Variants in ARHGEF11 observed in about 807,000 individuals in gnomAD.
The protein encoded by ARHGEF11 is Rho guanine exchange factor (GEF) 11.
In ARHGEF11, 55 loss-of-function variants were observed where a neutral mutation model predicts 193.7. The observed-to-expected ratio is 0.28, with a 90% CI of 0.23 to 0.36. ARHGEF11 has a LOEUF of 0.36. Ranked by LOEUF, ARHGEF11 falls within the 10% of genes least tolerant of loss-of-function variation. The pLI, the probability that ARHGEF11 is intolerant of heterozygous loss-of-function variation, is 1.00. For missense variants in ARHGEF11, 1,723 were observed against 2,005.6 expected (o/e 0.86, Z 2.69); for synonymous variants, 693 against 768.0 (o/e 0.90, Z 1.62).
intron 1 of ARHGEF11, among the ~76,000 whole-genome samples, chr1:157,021,852 T>C (rs1197897180): frequency 6.6e-6 from 1 of 152,270 alleles, no homozygotes. Context: ...TTCTTTACCA[T>C]GACCAAGTGG....
At chr1:156,971,632 T>C in intron 8 of ARHGEF11, 65 bp downstream of exon 8, 3 of 1,555,214 alleles carry the variant, frequency 1.9e-6, no homozygotes, top group Non-Finnish European at 2.6e-6. Flanking sequence ...TCCTTGCTTT[T>C]TCCCTCACTC....
At chr1:157,007,899 G>GTTTTTTTTTTTTTTTT (rs11290114) in intron 1 of ARHGEF11, among the ~76,000 whole-genome samples, 3 of 128,948 alleles carry the variant, frequency 2.3e-5, no homozygotes, top group African/African-American at 2.9e-5. Context: ...GAAGGCAAAG[G>GTTTTTTTTTTTTTTTT]TTTTTTTTTT....
intron 4 of ARHGEF11, 29 bp downstream of exon 4, chr1:156,980,408 G>A (rs780986330): frequency 6.3e-7 from 1 of 1,597,194 alleles, no homozygotes; most frequent in Admixed American, 1.7e-5. Context: ...CCACTGCTGG[G>A]AGTGGGAGTG....
intron 3 of ARHGEF11, among the ~76,000 whole-genome samples, chr1:156,983,649 T>C (rs954457443): frequency 6.6e-6 from 1 of 152,212 alleles, no homozygotes; most frequent in Non-Finnish European, 1.5e-5. Context: ...TGGATTTGGC[T>C]ATGATGCCCA....
intron 35 of ARHGEF11, among the ~76,000 whole-genome samples, chr1:156,940,883 G>C (rs979356411): frequency 6.6e-6 from 1 of 152,180 alleles, no homozygotes; most frequent in African/African-American, 2.4e-5. Flanking sequence ...GGAAACCCGA[G>C]ATTTCTCCTG....
intron 6 of ARHGEF11, 34 bp downstream of exon 6, chr1:156,978,170 T>C (rs781374030): frequency 1.9e-6 from 3 of 1,613,652 alleles, no homozygotes; most frequent in Non-Finnish European, 2.5e-6. Flanking sequence ...AACAGGACAT[T>C]AGGGTGAGGA....
chr1:157,028,415 G>A (rs1670911642), intron 1 of ARHGEF11, among the ~76,000 whole-genome samples: 1 of 152,116 alleles, frequency 6.6e-6, no homozygotes. Context: ...TGTTCCAAAG[G>A]GAAAAACAGG....
chr1:157,020,102 C>T (rs1280959014), intron 1 of ARHGEF11, among the ~76,000 whole-genome samples: 5 of 142,528 alleles, frequency 3.5e-5, no homozygotes, highest in African/African-American at 1.3e-4. Context: ...CCAGCCTGGG[C>T]GACAGTGCGA....
intron 15 of ARHGEF11, 32 bp downstream of exon 15, chr1:156,960,385 AG>A: frequency 1.2e-6 from 2 of 1,612,612 alleles, no homozygotes; most frequent in Non-Finnish European, 1.7e-6. Context: ...AAAGCTACCA[AG>A]AAGAGACTTA....
chr1:156,943,442 G>A (rs1259333153), intron 32 of ARHGEF11, among the ~76,000 whole-genome samples: 1 of 152,112 alleles, frequency 6.6e-6, no homozygotes, highest in African/African-American at 2.4e-5. Context: ...CTATCTTACA[G>A]ACGAAGAAAG....
At chr1:157,026,299 A>G (rs187126406) in intron 1 of ARHGEF11, among the ~76,000 whole-genome samples, 1 of 152,204 alleles carries the variant, frequency 6.6e-6, no homozygotes, top group Admixed American at 6.5e-5. Flanking sequence ...TGTGCTTCCT[A>G]TTTTATTAAG....
intron 3 of ARHGEF11, among the ~76,000 whole-genome samples, chr1:156,982,862 T>C (rs1215986460): frequency 6.6e-6 from 1 of 152,188 alleles, no homozygotes; most frequent in African/African-American, 2.4e-5. Context: ...CCCCAGGATA[T>C]GCAAAACAAA....
intron 13 of ARHGEF11, 31 bp from the exon 14 acceptor site, chr1:156,961,806 T>C: frequency 6.3e-7 from 1 of 1,597,846 alleles, no homozygotes; most frequent in Non-Finnish European, 8.6e-7. Context: ...GTTAGAGCAG[T>C]GGTTCTCCCC....
intron 1 of ARHGEF11, among the ~76,000 whole-genome samples, chr1:157,006,022 G>A (rs1667777228): frequency 6.6e-6 from 1 of 152,198 alleles, no homozygotes; most frequent in Non-Finnish European, 1.5e-5. Flanking sequence ...GTGCGTATAT[G>A]TACATACACA....
Position 156,948,409 on chromosome 1 carries a change from C to A in ARHGEF11, c.2015G>T (p.Arg672Leu). The change falls in exon 23 of 41, where the codon CGC (arginine) becomes CTC (leucine). Residue 672 changes from arginine (R) to leucine (L), a missense_variant. Physicochemically the swap from Arg to Leu is moderately radical, Grantham distance 102. Coordinates refer to ENST00000368194, the MANE Select transcript of ARHGEF11 (RefSeq NM_198236.3). The surrounding 1 kb of genome is among the most constrained non-coding windows in gnomAD (Gnocchi z 4.2). ...ATCCATGTCAACATCACTGCGAGAG[C>A]GGGGCACGTTCTCTGCCTTTCGAGA... is the stretch of plus-strand genomic sequence containing the variant. ...KRSRKAENVP[R>L]SRSDVDMDAA... 1 of 1,614,192 alleles carries A rather than the reference C, an allele frequency of 6.2e-7. No individual in the cohort carries two copies. Among genetic ancestry groups the A allele is most frequent in the Non-Finnish European group, 8.5e-7 (1 of 1,180,036 alleles).
chr1:156,954,579 T>A (rs1248700788), intron 21 of ARHGEF11, among the ~76,000 whole-genome samples: 2 of 152,176 alleles, frequency 1.3e-5, no homozygotes, highest in Admixed American at 1.3e-4. Context: ...ACCAGAAGTC[T>A]AGTCTTGGCC....
rs370692576 is a variant in ARHGEF11, at chr1:156,937,447, G to A, written c.4242C>T (p.Thr1414=). 46 of 1,555,314 alleles carry A rather than the reference G, an allele frequency of 3.0e-5. No homozygotes were observed. In the East Asian group the frequency reaches 5.7e-4, roughly 19 times the overall value. Residue 1414 remains threonine (T), a synonymous_variant, in exon 39 of 41, where the codon ACC becomes ACT. Transcript: ENST00000368194. ...GGCTCATGGGTGCCTCTGAGTGGTCGGTGCTTGAGTCCGGGGGTCCTGATG... is the reference window on the plus strand; with the variant it reads ...GGCTCATGGGTGCCTCTGAGTGGTCAGTGCTTGAGTCCGGGGGTCCTGATG... ...SMPSGPPDSS[T]DHSEAPMSPP... is the part of the protein sequence containing the mutation.
At chr1:157,034,128 T>C (rs764439241) in intron 1 of ARHGEF11, among the ~76,000 whole-genome samples, 13 of 152,196 alleles carry the variant, frequency 8.5e-5, no homozygotes, top group Non-Finnish European at 1.8e-4. Context: ...GTGGTATTTT[T>C]CCCCTCTCCC....
chr1:157,035,989 ATG>A (rs1671941317), intron 1 of ARHGEF11, among the ~76,000 whole-genome samples: 1 of 105,574 alleles, frequency 9.5e-6, no homozygotes, highest in Non-Finnish European at 1.9e-5. Context: ...ATATATATAT[ATG>A]AATCTATATA....
Sources: allele counts gnomAD v4.1 joint callset (sites outside exome capture counted in the v4.1 genomes callset), GRCh38; gene constraint gnomAD v4.1.1; non-coding constraint Gnocchi (gnomAD v3.1); transcripts MANE v1.5; gene names NCBI Gene and HGNC (gene_info 2026-07-23, HGNC 2026-07-21).